The following ANKRD53 variants were observed in gnomAD, a reference collection of about 807,000 sequenced individuals.
The protein encoded by ANKRD53 is ankyrin repeat domain-containing protein 53.
ANKRD53 carries 27 observed loss-of-function variants against 30.1 expected under a neutral mutation model. The ratio of observed to expected loss-of-function variants is 0.90; its 90% confidence interval spans 0.66 to 1.24. ANKRD53 has a LOEUF of 1.24. Among genes scored for constraint, ANKRD53 ranks in the 50% most tolerant of loss-of-function variants. The pLI is 0.00. For synonymous variants in ANKRD53, 286 were observed against 295.4 expected (o/e 0.97, Z 0.33); for missense variants, 682 against 721.0 (o/e 0.95, Z 0.62).
At chr2:70,979,457 A>G (rs1386776336) in intron 2 of ANKRD53, 114 bp downstream of exon 2, 10 of 1,517,508 alleles carry the variant, frequency 6.6e-6, no homozygotes, top group Non-Finnish European at 8.9e-7. Flanking sequence ...AATTTAACTC[A>G]TCTTCTGGCT....
At position 70,978,685 on chromosome 2, in the gene ANKRD53, G is replaced by A; in HGVS notation, c.40G>A (p.Gly14Arg). ...CAGCACCGCTCGGCGGGCGGGCTCCGGAAGCTGGCACTCAGAAAGGGGAGA... is the reference window on the plus strand; with the variant it reads ...CAGCACCGCTCGGCGGGCGGGCTCCAGAAGCTGGCACTCAGAAAGGGGAGA... ...AGSTARRAGS[G>R]SWHSERGEGR... The change falls in exon 1 of 6, where the codon GGA becomes AGA. Residue 14 changes from glycine to arginine, a missense_variant. Coordinates refer to ENST00000360589, the MANE Select transcript of ANKRD53 (RefSeq NM_001115116.2). The surrounding 1 kb of genome is among the most constrained non-coding windows in gnomAD (Gnocchi z 4.3). 6.5e-7 allele frequency: 1 copy of A among 1,543,902 alleles called. No homozygotes were observed. The highest frequency in any genetic ancestry group is 8.7e-7 in the Non-Finnish European group (1 of 1,145,048).
chr2:70,980,727 C>T (rs1553423495), intron 3 of ANKRD53, among the ~76,000 whole-genome samples: 3 of 152,220 alleles, frequency 2.0e-5, no homozygotes, highest in South Asian at 2.1e-4. Context: ...GAGCGGATCA[C>T]GAGGTCAGGA....
intron 3 of ANKRD53, among the ~76,000 whole-genome samples, chr2:70,980,806 C>A (rs935766510): frequency 1.1e-4 from 16 of 152,030 alleles, no homozygotes; most frequent in Admixed American, 7.2e-4. Context: ...GTTAACCGGG[C>A]GTAGTGGCGG....
Position 70,982,256 on chromosome 2 carries a change from A to G in ANKRD53, c.782+156A>G. On this transcript the variant is annotated intron_variant, in intron 4 of 5. Coordinates refer to ENST00000360589, the MANE Select transcript of ANKRD53 (RefSeq NM_001115116.2). The surrounding 1 kb of genome is among the most constrained non-coding windows in gnomAD (Gnocchi z 4.2). ...CTGCCCAGGATATTTTGGATGAGGC[A>G]ATCACCTCATCACCTGGGCTTGGGG... 2 of 917,454 alleles carry G rather than the reference A, an allele frequency of 2.2e-6. No individual in the cohort carries two copies. The highest frequency in any genetic ancestry group is 3.2e-6 in the Non-Finnish European group (2 of 627,872). The allele number at this position is 917,454 out of a possible 1,614,324, so 56.8% of individuals were successfully genotyped here. A position where few individuals can be genotyped will look rare whatever the true frequency, so the allele number is the denominator to read the frequency against.
Position 70,982,703 on chromosome 2 carries a change from G to A in ANKRD53, c.903+6G>A, listed in dbSNP as rs1553423871. 2 of 1,613,454 alleles carry A rather than the reference G, an allele frequency of 1.2e-6. No homozygotes were observed. Among genetic ancestry groups the A allele is most frequent in the East Asian group, 2.2e-5 (1 of 44,876 alleles). On this transcript the variant is annotated splice_donor_region_variant and intron_variant, in intron 5 of 5. Transcript: ENST00000360589. This position sits in a 1 kb window ranked among gnomAD's most constrained non-coding sequence, Gnocchi z 4.2. Reference sequence around the variant, plus strand: ...ACTACCTGATTGAGTATCAAGTAAGGGGGACAGCAGGGGGGCCAGGGGACA... The same window carrying A: ...ACTACCTGATTGAGTATCAAGTAAGAGGGACAGCAGGGGGGCCAGGGGACA...
rs75948254 is a variant in ANKRD53 at position 70,981,171 on chromosome 2, A to G, written c.618-765A>G. The stretch of plus-strand genomic sequence containing the variant: ...GTGATCACTGAAAAGTGCATGGCAT[A>G]TAGGAGACTGCATTCATTCAAAGTA... On this transcript the variant is annotated intron_variant, in intron 3 of 5. Coordinates refer to ENST00000360589, the MANE Select transcript of ANKRD53 (RefSeq NM_001115116.2). Among the ~76,000 whole-genome samples the G allele has an allele frequency of 4.9e-3, 754 of 152,354 alleles. 7 individuals carry two copies. Among genetic ancestry groups the G allele is most frequent in the African/African-American group, 0.017 (727 of 41,574 alleles).
chr2:70,980,672 G>T (rs999997051), intron 3 of ANKRD53, among the ~76,000 whole-genome samples: 2 of 152,212 alleles, frequency 1.3e-5, no homozygotes, highest in Admixed American at 1.3e-4. Context: ...TAGGCTGGCC[G>T]CAGTGGCTCA....
chr2:70,984,554 C>A (rs1273562575), intron 5 of ANKRD53, 57 bp from the exon 6 acceptor site: 12 of 1,581,198 alleles, frequency 7.6e-6, no homozygotes, highest in Admixed American at 1.8e-5. Flanking sequence ...GACCTCCTTG[C>A]CCAGAAGCAG....
chr2:70,984,366 G>A (rs937870023), intron 5 of ANKRD53: 1 of 1,588,374 alleles, frequency 6.3e-7, no homozygotes, highest in Non-Finnish European at 8.5e-7. Context: ...CTTTGGGAGA[G>A]GTGCTTTGTC....
Position 70,985,251 on chromosome 2 carries a change from G to A in ANKRD53, c.1544G>A (p.Arg515Gln), listed in dbSNP as rs141581897. Reference sequence around the variant, plus strand: ...GATGAAGCCTTCCTGGCAGCTGTGCGATCTCATCAAGGACTCCCCACCCTG... The same window carrying A: ...GATGAAGCCTTCCTGGCAGCTGTGCAATCTCATCAAGGACTCCCCACCCTG... ...TFDEAFLAAV[R>Q]SHQGLPTLPS... is the part of the protein sequence containing the mutation. The change falls in exon 6 of 6, where the codon CGA becomes CAA. Residue 515 changes from arginine to glutamine, a missense_variant. Physicochemically the swap from Arg to Gln is conservative, Grantham distance 43. Coordinates refer to ENST00000360589, the MANE Select transcript of ANKRD53 (RefSeq NM_001115116.2). The A allele has an allele frequency of 9.4e-4, 1,452 of 1,550,996 alleles. 24 individuals carry two copies. The East Asian group carries it at 0.031, about 33-fold the overall frequency.
intron 3 of ANKRD53, among the ~76,000 whole-genome samples, chr2:70,980,772 C>T (rs1356753708): frequency 6.6e-6 from 1 of 151,926 alleles, no homozygotes; most frequent in Non-Finnish European, 1.5e-5. Flanking sequence ...GGTAAAACCC[C>T]GTCTCTACTA....
intron 5 of ANKRD53, chr2:70,984,077 C>G: frequency 6.4e-7 from 1 of 1,560,872 alleles, no homozygotes; most frequent in Non-Finnish European, 8.8e-7. Flanking sequence ...TTCCAAGAAG[C>G]GTGTCCACAT....
Position 70,979,327 on chromosome 2 carries a change from TC to T in ANKRD53, c.405del (p.Thr136ProfsTer25). The T allele has an allele frequency of 6.2e-7, 1 of 1,613,456 alleles. No homozygotes were observed. On this transcript the variant is annotated frameshift_variant, in exon 2 of 6. Transcript: ENST00000360589. LOFTEE classifies it high-confidence loss of function. ...TGTCTGAACCAGAGCCTCAGGGAAATCCCCACCGACGACAAGGTAAGGTCTT... is the reference window on the plus strand; with the variant it reads ...TGTCTGAACCAGAGCCTCAGGGAAATCCCACCGACGACAAGGTAAGGTCTT... ...RFCLNQSLREIPTDDKGFTAI... is the reference protein window; with the variant it reads ...RFCLNQSLREXPTDDKGFTAI...
chr2:70,978,971 C>G lies in ANKRD53; in HGVS notation c.171-126C>G. ...CCAGGGATCGCCTCCCGAGAGGTGC[C>G]TAGGCCGTGGCCCAGAGTCGCTTCC... On this transcript the variant is annotated intron_variant, in intron 1 of 5. Coordinates refer to ENST00000360589, the MANE Select transcript of ANKRD53 (RefSeq NM_001115116.2). This position sits in a 1 kb window ranked among gnomAD's most constrained non-coding sequence, Gnocchi z 4.3. 1 of 1,448,196 alleles carries G rather than the reference C, an allele frequency of 6.9e-7. No homozygotes were observed. The highest frequency in any genetic ancestry group is 2.5e-5 in the East Asian group (1 of 39,640). 89.7% of individuals were successfully genotyped at this position (1,448,196 alleles called of 1,614,324 possible). A position where few individuals can be genotyped will look rare whatever the true frequency, so the allele number is the denominator to read the frequency against.
intron 5 of ANKRD53, chr2:70,984,262 G>GT (rs1553424207): frequency 6.2e-7 from 1 of 1,614,044 alleles, no homozygotes; most frequent in Non-Finnish European, 8.5e-7. Context: ...AAGACTTGAG[G>GT]TTTTCCCTAG....
chr2:70,978,510 G>C (rs1409289941), upstream of ANKRD53: 6 of 1,090,896 alleles, frequency 5.5e-6, no homozygotes, highest in South Asian at 4.0e-5. The surrounding 1 kb of genome is among the most constrained non-coding windows in gnomAD (Gnocchi z 4.3). Flanking sequence ...CCTCCAGCTA[G>C]AGAGGCAGCC....
chr2:70,984,244 C>T, intron 5 of ANKRD53: 1 of 1,614,180 alleles, frequency 6.2e-7, no homozygotes, highest in Non-Finnish European at 8.5e-7. Flanking sequence ...AGGGAATTGT[C>T]TTTCTGTAAG....
In ANKRD53 at chr2:70,982,091, C is replaced by T; in HGVS notation, c.773C>T (p.Ala258Val). Residue 258 changes from alanine to valine, a missense_variant, in exon 4 of 6, where the codon GCC becomes GTC. Physicochemically the swap from Ala to Val is moderately conservative, Grantham distance 64 (BLOSUM62 0). Coordinates refer to ENST00000360589, the MANE Select transcript of ANKRD53 (RefSeq NM_001115116.2). This position sits in a 1 kb window ranked among gnomAD's most constrained non-coding sequence, Gnocchi z 4.2. ...IDFCKIWNHR[A>V]CARFLKDAMW... The stretch of plus-strand genomic sequence containing the variant: ...TTCTGCAAAATATGGAACCACCGTG[C>T]CTGTGCCCGGTGAGAGTGTGAGAAC... The T allele has an allele frequency of 1.2e-6, 2 of 1,606,068 alleles. No individual in the cohort carries two copies. The highest frequency in any genetic ancestry group is 1.7e-6 in the Non-Finnish European group (2 of 1,175,858).
intron 5 of ANKRD53, chr2:70,984,089 AG>A (rs782506330): frequency 6.3e-7 from 1 of 1,587,868 alleles, no homozygotes; most frequent in Non-Finnish European, 8.6e-7. Flanking sequence ...TGTCCACATC[AG>A]GCCATCCAGT....
Sources: allele counts gnomAD v4.1 joint callset (sites outside exome capture counted in the v4.1 genomes callset), GRCh38; gene constraint gnomAD v4.1.1; non-coding constraint Gnocchi (gnomAD v3.1); transcripts MANE v1.5; gene names NCBI Gene and HGNC (gene_info 2026-07-23, HGNC 2026-07-21).